ARHGAP32: variants seen among roughly 807,000 people sequenced by gnomAD.
ARHGAP32 encodes the protein Rho GTPase activating protein 32.
ARHGAP32 carries 51 observed loss-of-function variants against 186.5 expected under a neutral mutation model. The observed-to-expected ratio is 0.27, with a 90% CI of 0.22 to 0.35. ARHGAP32 has a LOEUF of 0.35. ARHGAP32 is among the 10% of genes least tolerant of loss of function. The pLI is 1.00. For synonymous variants in ARHGAP32, 950 were observed against 964.3 expected (o/e 0.99, Z 0.27); for missense variants, 2,186 against 2,623.5 (o/e 0.83, Z 3.64).
intron 1 of ARHGAP32, among the ~76,000 whole-genome samples, chr11:129,252,276 T>C (rs1275373550): frequency 2.0e-5 from 3 of 152,196 alleles, no homozygotes; most frequent in Non-Finnish European, 4.4e-5. Flanking sequence ...AACAAACTCC[T>C]ACTCTCGAAA....
Position 128,970,081 on chromosome 11 carries a change from T to C in ARHGAP32, c.5132A>G (p.Gln1711Arg), listed in dbSNP as rs1469609210. 1 of 1,614,010 alleles carries C rather than the reference T, an allele frequency of 6.2e-7. No individual in the cohort carries two copies. Among genetic ancestry groups the C allele is most frequent in the East Asian group, 2.2e-5 (1 of 44,890 alleles). ...RDFAFYNPRLQGKSLYSYAGL... is the reference protein window; with the variant it reads ...RDFAFYNPRLRGKSLYSYAGL... ...AGCATAACTGTACAAGCTCTTTCCT[T>C]GCAGCCTAGGATTGTAGAAAGCAAA... is the stretch of plus-strand genomic sequence containing the variant. Residue 1711 changes from glutamine to arginine, a missense_variant, in exon 23 of 23, where the codon CAA becomes CGA. Around this residue, in one of 5 missense-constraint regions of ARHGAP32, gnomAD observed 1,502 missense variants for 1,570.0 expected, o/e 0.96. Coordinates refer to ENST00000682385, the MANE Select transcript of ARHGAP32 (RefSeq NM_001378024.1). This position sits in a 1 kb window ranked among gnomAD's most constrained non-coding sequence, Gnocchi z 5.8.
upstream of ARHGAP32, among the ~76,000 whole-genome samples, chr11:129,193,343 T>C (rs1322744387): frequency 2.1e-5 from 2 of 95,292 alleles, no homozygotes; most frequent in Admixed American, 1.3e-4. Context: ...AACAGCCAAG[T>C]GTGGTGGTGC....
chr11:128,984,868 G>T (rs907383236), intron 15 of ARHGAP32, among the ~76,000 whole-genome samples: 2 of 140,316 alleles, frequency 1.4e-5, no homozygotes, highest in African/African-American at 5.0e-5. Context: ...CTCTATTCTG[G>T]AAATACAGTG....
chr11:128,976,184 A>G (rs1945536887), intron 20 of ARHGAP32, among the ~76,000 whole-genome samples: 1 of 151,860 alleles, frequency 6.6e-6, no homozygotes, highest in Non-Finnish European at 1.5e-5. Context: ...AGCTTGCTGC[A>G]TTGTTTTGTA....
At chr11:129,220,927 C>T (rs572064732) in intron 1 of ARHGAP32, among the ~76,000 whole-genome samples, 2 of 152,266 alleles carry the variant, frequency 1.3e-5, no homozygotes, top group African/African-American at 4.8e-5. Context: ...GCCTTTAAAA[C>T]ATACCAAAAC....
At chr11:129,205,538 T>A (rs556237951) in intron 1 of ARHGAP32, among the ~76,000 whole-genome samples, 2 of 152,142 alleles carry the variant, frequency 1.3e-5, no homozygotes, top group African/African-American at 2.4e-5. Context: ...TTATTACCTA[T>A]GTGAACTTGC....
intron 1 of ARHGAP32, among the ~76,000 whole-genome samples, chr11:129,274,906 TAA>T (rs74951555): frequency 2.2e-5 from 3 of 135,280 alleles, no homozygotes; most frequent in African/African-American, 2.7e-5. Context: ...TTCATCTTTC[TAA>T]AAAAAAAAAA....
intron 5 of ARHGAP32, among the ~76,000 whole-genome samples, chr11:129,108,061 T>G (rs1327302242): frequency 1.3e-5 from 2 of 151,942 alleles, no homozygotes; most frequent in Non-Finnish European, 2.9e-5. Flanking sequence ...TTCAATTAAA[T>G]AAGAAAGAAG....
chr11:128,973,693 C>A, intron 21 of ARHGAP32: 1 of 548,826 alleles, frequency 1.8e-6, no homozygotes, highest in Non-Finnish European at 3.2e-6. Context: ...AAGCATGTCC[C>A]TCACCTGGCT....
chr11:129,088,188 T>G (rs1271925413), intron 6 of ARHGAP32, among the ~76,000 whole-genome samples: 7 of 152,376 alleles, frequency 4.6e-5, no homozygotes, highest in Admixed American at 4.6e-4. Context: ...AAAACTACGT[T>G]AAATTCACTG....
At chr11:129,247,970 C>T (rs1031936271) in intron 1 of ARHGAP32, among the ~76,000 whole-genome samples, 11 of 151,940 alleles carry the variant, frequency 7.2e-5, no homozygotes, top group African/African-American at 2.4e-4. Flanking sequence ...AAACATCTTC[C>T]CCCTGAATTA....
At chr11:129,278,847 G>C (rs1945569980) in intron 1 of ARHGAP32, among the ~76,000 whole-genome samples, 1 of 150,792 alleles carries the variant, frequency 6.6e-6, no homozygotes, top group South Asian at 2.1e-4. Flanking sequence ...CTTGGGCCCG[G>C]GGCGGAGAGC....
chr11:129,193,711 TATATATTATATATTATATATA>T (rs1944347236), upstream of ARHGAP32, among the ~76,000 whole-genome samples: 2 of 40,682 alleles, frequency 4.9e-5, no homozygotes, highest in Non-Finnish European at 9.9e-5. Flanking sequence ...TAATATATAT[TATATATTATATATTATATATA>T]ATATATATTA....
At chr11:128,988,185 CA>C (rs1945934003) in intron 12 of ARHGAP32, 60 bp from the exon 13 acceptor site, 3 of 1,246,832 alleles carry the variant, frequency 2.4e-6, no homozygotes, top group African/African-American at 1.5e-5. Context: ...CCAAAGTTGC[CA>C]AAAAATAAGA....
intron 12 of ARHGAP32, among the ~76,000 whole-genome samples, chr11:128,993,056 T>C (rs765002424): frequency 3.3e-5 from 5 of 152,222 alleles, no homozygotes; most frequent in Admixed American, 1.3e-4. Context: ...CAGGCTCCTA[T>C]GTGATTTCTT....
chr11:129,271,230 G>C (rs534242061), intron 1 of ARHGAP32, among the ~76,000 whole-genome samples: 6 of 152,146 alleles, frequency 3.9e-5, no homozygotes, highest in Non-Finnish European at 7.3e-5. Flanking sequence ...AAGTCTGCTG[G>C]CAGTTTGCCA....
At chr11:129,268,967 G>A (rs889703107) in intron 1 of ARHGAP32, among the ~76,000 whole-genome samples, 13 of 152,156 alleles carry the variant, frequency 8.5e-5, no homozygotes, top group Non-Finnish European at 1.8e-4. Flanking sequence ...TCAGAGAGAG[G>A]GGGGTTATAA....
chr11:129,105,206 G>A (rs1239803189), intron 5 of ARHGAP32, among the ~76,000 whole-genome samples: 1 of 152,148 alleles, frequency 6.6e-6, no homozygotes, highest in Admixed American at 6.5e-5. Context: ...AAATCTAAGA[G>A]GGAAAGCTGA....
chr11:129,175,233 G>A (rs200873374), intron 1 of ARHGAP32, among the ~76,000 whole-genome samples: 2 of 74,834 alleles, frequency 2.7e-5, no homozygotes, highest in African/African-American at 5.7e-5. Flanking sequence ...AAGAAGGGAA[G>A]TTTAGAGAAA....
Sources: allele counts gnomAD v4.1 joint callset (sites outside exome capture counted in the v4.1 genomes callset), GRCh38; gene constraint gnomAD v4.1.1; regional missense constraint gnomAD v4.1.1; non-coding constraint Gnocchi (gnomAD v3.1); transcripts MANE v1.5; gene names NCBI Gene and HGNC (gene_info 2026-07-23, HGNC 2026-07-21).